NPHP4: variants seen among roughly 807,000 people sequenced by gnomAD.
NPHP4 encodes the protein nephrocystin 4, also known as nephrocystin-4.
Under a neutral mutation model 155.8 loss-of-function variants are expected in NPHP4, and 151 were observed. That is an observed-to-expected ratio of 0.97 (90% CI 0.85 to 1.11). NPHP4 has a LOEUF of 1.11. NPHP4 is among the 50% of genes least tolerant of loss of function. The probability of loss-of-function intolerance (pLI) is 0.00; values close to 1 mark genes in which losing one functional copy is unlikely to be tolerated. For synonymous variants in NPHP4, 845 were observed against 816.8 expected, an observed-to-expected ratio of 1.03 and a Z score of -0.59; for missense variants, 1,956 against 1,925.7, an observed-to-expected ratio of 1.02 and a Z score of -0.29.
chr1:5,877,371 C>T, intron 19 of NPHP4, 73 bp from the exon 20 acceptor site: 1 of 1,278,170 alleles, frequency 7.8e-7, no homozygotes, highest in Non-Finnish European at 1.1e-6. Context: ...CCAGGGCAGG[C>T]CTCCCAGGAC....
intron 8 of NPHP4, 136 bp from the exon 9 acceptor site, chr1:5,947,366 C>G: frequency 1.2e-6 from 1 of 818,126 alleles, no homozygotes; most frequent in South Asian, 1.6e-5. Flanking sequence ...GCAAGTCCAC[C>G]ATGTAACACT....
Position 5,865,180 on chromosome 1 carries a change from G to A in NPHP4, c.3738C>T (p.Thr1246=), listed in dbSNP as rs1174471616. The stretch of plus-strand genomic sequence containing the variant: ...TCCCCCGAAGGACAAGGGACAGGCG[G>A]GTCAGCTGGCCTGCGACGCAGGAGA... The part of the protein sequence containing the change: ...VDVSCVAGQL[T]RLSLVLRGTQ... Residue 1246 remains threonine, a synonymous_variant, in exon 27 of 30, where the codon ACC becomes ACT. Transcript: ENST00000378156. The A allele has an allele frequency of 6.2e-7, 1 of 1,612,700 alleles. No individual in the cohort carries two copies. Among genetic ancestry groups the A allele is most frequent in the Non-Finnish European group, 8.5e-7 (1 of 1,179,432 alleles).
Position 5,867,516 on chromosome 1 carries a change from A to G in NPHP4, c.3472+224T>C, listed in dbSNP as rs1641371350. ...GGCCGCGGGAGCTGGGATTTTTTAG[A>G]AGGGCAGACTCAGCCGGCAAATGCG... On this transcript the variant is annotated intron_variant, in intron 24 of 29. Transcript: ENST00000378156. The surrounding 1 kb of genome is among the most constrained non-coding windows in gnomAD (Gnocchi z 4.1). 1 of 592,458 alleles carries G rather than the reference A, an allele frequency of 1.7e-6. No homozygotes were observed. The highest frequency in any genetic ancestry group is 2.8e-5 in the East Asian group (1 of 35,214). The allele number at this position is 592,458 out of a possible 1,614,324, so 36.7% of individuals were successfully genotyped here. A position where few individuals can be genotyped will look rare whatever the true frequency, so the allele number is the denominator to read the frequency against.
At position 5,874,587 on chromosome 1, in the gene NPHP4, C is replaced by T. The variant is rs1642365939; in HGVS notation, c.3115G>A (p.Asp1039Asn). Reference protein sequence around the residue: ...AAGLHTPVEEDMFHLRGSLAP... With the variant: ...AAGLHTPVEENMFHLRGSLAP... The stretch of plus-strand genomic sequence containing the variant: ...AGGCTGCCACGCAGGTGGAACATGT[C>T]CTCCTCCACCGGTGTGTGCAGGCCA... The change falls in exon 22 of 30, where the codon GAC becomes AAC. Residue 1039 changes from aspartate to asparagine, a missense_variant. Coordinates refer to ENST00000378156, the MANE Select transcript of NPHP4 (RefSeq NM_015102.5). The T allele has an allele frequency of 1.2e-6, 2 of 1,610,940 alleles. No homozygotes were observed. The highest frequency in any genetic ancestry group is 1.3e-5 in the African/African-American group (1 of 74,836).
chr1:5,941,077 A>G (rs1294927914), intron 9 of NPHP4, among the ~76,000 whole-genome samples: 1 of 152,180 alleles, frequency 6.6e-6, no homozygotes, highest in Non-Finnish European at 1.5e-5. Context: ...TTAAAACAGT[A>G]TGGCCATGGT....
At chr1:5,908,674 T>G (rs570784118) in intron 12 of NPHP4, among the ~76,000 whole-genome samples, 14 of 152,178 alleles carry the variant, frequency 9.2e-5, no homozygotes, top group Non-Finnish European at 1.9e-4. Context: ...CGGTCGGACG[T>G]GCAACTGCCA....
intron 3 of NPHP4, 72 bp downstream of exon 3, chr1:5,978,198 C>G (rs1028477503): frequency 1.4e-6 from 2 of 1,440,026 alleles, no homozygotes; most frequent in Admixed American, 2.0e-5. Context: ...AGTCTCTGGG[C>G]TGCCACCCAG....
chr1:5,952,965 A>G (rs1166373687), intron 6 of NPHP4, 129 bp from the exon 7 acceptor site: 2 of 764,318 alleles, frequency 2.6e-6, no homozygotes, highest in Non-Finnish European at 4.1e-6. Flanking sequence ...GGACTCCCAG[A>G]CAGAGCACAA....
At chr1:5,911,857 C>T (rs780856992) in intron 11 of NPHP4, among the ~76,000 whole-genome samples, 3 of 152,190 alleles carry the variant, frequency 2.0e-5, no homozygotes, top group Non-Finnish European at 2.9e-5. Flanking sequence ...CATAGTCCTG[C>T]CCAGAGGACA....
At chr1:5,960,903 G>A (rs1309702972) in intron 6 of NPHP4, among the ~76,000 whole-genome samples, 1 of 152,104 alleles carries the variant, frequency 6.6e-6, no homozygotes, top group Non-Finnish European at 1.5e-5. Context: ...TCAGGTCACT[G>A]CACACCCATG....
intron 26 of NPHP4, chr1:5,865,505 C>A: frequency 2.2e-6 from 1 of 463,210 alleles, no homozygotes; most frequent in Admixed American, 3.5e-5. Flanking sequence ...GCCCATCTCC[C>A]ACCCACAGCA....
chr1:5,868,718 CACAT>C (rs749879850), intron 23 of NPHP4, among the ~76,000 whole-genome samples: 1 of 147,406 alleles, frequency 6.8e-6, no homozygotes, highest in African/African-American at 2.5e-5. Context: ...CCCACACACA[CACAT>C]GCACGCCCAC....
intron 18 of NPHP4, among the ~76,000 whole-genome samples, chr1:5,884,078 A>G (rs4908559): frequency 0.83 from 126,786 of 152,220 alleles, 53,050 homozygotes; most frequent in African/African-American, 0.93. Context: ...TCAAGAAGGG[A>G]ACAAGCGGCA....
chr1:5,873,414 G>T, intron 22 of NPHP4, 79 bp from the exon 23 acceptor site: 1 of 1,162,454 alleles, frequency 8.6e-7, no homozygotes, highest in Non-Finnish European at 1.3e-6. Context: ...AGACACCACT[G>T]CCACCCAGCT....
Position 5,867,013 on chromosome 1 carries a change from G to A in NPHP4, c.3558+17C>T. On this transcript the variant is annotated intron_variant, in intron 25 of 29. Transcript: ENST00000378156. This position sits in a 1 kb window ranked among gnomAD's most constrained non-coding sequence, Gnocchi z 4.1. The stretch of plus-strand genomic sequence containing the variant: ...CTGGGAAGGATCTGCCTGAGCTGGG[G>A]CCACAACACAACCTACCACATTCTG... The A allele has an allele frequency of 6.2e-7, 1 of 1,605,426 alleles. No individual in the cohort carries two copies. Among genetic ancestry groups the A allele is most frequent in the Non-Finnish European group, 8.5e-7 (1 of 1,173,308 alleles).
In NPHP4 at chr1:5,947,991, C is replaced by T. The variant is rs765109048; in HGVS notation, c.992+79G>A. 4.3e-4 allele frequency: 489 copies of T among 1,146,638 alleles called. 1 individual carries two copies. The highest frequency in any genetic ancestry group is 1.9e-3 in the Middle Eastern group (10 of 5,192). 71.0% of individuals were successfully genotyped at this position (1,146,638 alleles called of 1,614,324 possible). ...AACTCCCACGTGGGTGAGTCAACAC[C>T]TGACATGCACAAATGACCTCATTTC... On this transcript the variant is annotated intron_variant, in intron 8 of 29. Transcript: ENST00000378156.
In NPHP4 at chr1:5,992,288, C is replaced by T. The variant is rs1486540657; in HGVS notation, c.-83G>A. 1 of 152,160 alleles carries T rather than the reference C, an allele frequency of 6.6e-6. No homozygotes were observed. The highest frequency in any genetic ancestry group is 2.4e-5 in the African/African-American group (1 of 41,448). 9.4% of individuals were successfully genotyped at this position (152,160 alleles called of 1,614,324 possible). A position where few individuals can be genotyped will look rare whatever the true frequency, so the allele number is the denominator to read the frequency against. Reference sequence around the variant, plus strand: ...CGGCCGCGCCGGAGGCCACGGAGCCCACGCTTTTCAGAGAGTCTCCACTCG... The same window carrying T: ...CGGCCGCGCCGGAGGCCACGGAGCCTACGCTTTTCAGAGAGTCTCCACTCG... On this transcript the variant is annotated 5_prime_UTR_variant, in exon 1 of 30. Transcript: ENST00000378156.
At chr1:5,971,792 C>T (rs907719119) in intron 3 of NPHP4, among the ~76,000 whole-genome samples, 3 of 150,952 alleles carry the variant, frequency 2.0e-5, no homozygotes, top group African/African-American at 7.4e-5. Context: ...TGAAACTGCA[C>T]TATTAAAAGG....
At position 5,978,283 on chromosome 1, in the gene NPHP4, A is replaced by T. The variant is rs767458385; in HGVS notation, c.266T>A (p.Ile89Asn). 6.2e-7 allele frequency: 1 copy of T among 1,607,372 alleles called. No individual in the cohort carries two copies. Among genetic ancestry groups the T allele is most frequent in the Non-Finnish European group, 8.5e-7 (1 of 1,177,290 alleles). Reference protein sequence around the residue: ...VKPTKRPPSRIVFNEPLYFHT... With the variant: ...VKPTKRPPSRNVFNEPLYFHT... ...ACCAGGGCCCACCTCATTAAAGACG[A>T]TCCTGGACGGCGGTCTCTTCGTCGG... is the stretch of plus-strand genomic sequence containing the variant. Residue 89 changes from isoleucine (I) to asparagine (N), a missense_variant, in exon 3 of 30, where the codon ATC becomes AAC. Physicochemically the swap from Ile to Asn is moderately radical, Grantham distance 149. Coordinates refer to ENST00000378156, the MANE Select transcript of NPHP4 (RefSeq NM_015102.5).
Sources: allele counts gnomAD v4.1 joint callset (sites outside exome capture counted in the v4.1 genomes callset), GRCh38; gene constraint gnomAD v4.1.1; non-coding constraint Gnocchi (gnomAD v3.1); transcripts MANE v1.5; gene names NCBI Gene and HGNC (gene_info 2026-07-23, HGNC 2026-07-21).